ARFGEF3: variants seen among roughly 807,000 people sequenced by gnomAD.
ARFGEF3 encodes brefeldin A-inhibited guanine nucleotide-exchange protein 3.
Under a neutral mutation model 221.7 loss-of-function variants are expected in ARFGEF3, and 96 were observed. The ratio of observed to expected loss-of-function variants is 0.43; its 90% CI spans 0.37 to 0.51. The LOEUF (loss-of-function observed/expected upper bound fraction) is 0.51. ARFGEF3 is among the 20% of genes least tolerant of loss of function. The probability of loss-of-function intolerance (pLI) is 0.00; values close to 1 mark genes in which losing one functional copy is unlikely to be tolerated. For missense variants in ARFGEF3, 2,410 were observed against 2,789.9 expected, an observed-to-expected ratio of 0.86 and a Z score of 3.07; for synonymous variants, 1,145 against 1,126.8, an observed-to-expected ratio of 1.02 and a Z score of -0.32.
At chr6:138,189,883 C>A (rs1777262665) in intron 2 of ARFGEF3, among the ~76,000 whole-genome samples, 1 of 151,844 alleles carries the variant, frequency 6.6e-6, no homozygotes, top group Non-Finnish European at 1.5e-5. Flanking sequence ...GGTTCAAGAC[C>A]AGCTGGGCAA....
Position 138,308,872 on chromosome 6 carries a change from C to G in ARFGEF3, c.4096+11C>G, listed in dbSNP as rs1562387568. ...TTGTCAAAGGACTGGGTAAGCAGAA[C>G]CCTTCTCTCATGCCTTGTAACTGCT... On this transcript the variant is annotated intron_variant, in intron 24 of 33. Transcript: ENST00000251691. The G allele has an allele frequency of 6.2e-7, 1 of 1,613,908 alleles. No individual in the cohort carries two copies. The highest frequency in any genetic ancestry group is 8.5e-7 in the Non-Finnish European group (1 of 1,179,856).
At position 138,162,007 on chromosome 6, in the gene ARFGEF3, C is replaced by T. The variant is rs1776622083; in HGVS notation, c.-80C>T. On this transcript the variant is annotated 5_prime_UTR_variant, in exon 1 of 34. Transcript: ENST00000251691. This position sits in a 1 kb window ranked among gnomAD's most constrained non-coding sequence, Gnocchi z 4.7. ...CGGCGGCCGCCTAGGCGCCCAGGGC[C>T]AGGCAGCGGCGGCTTCCCCGGCCCG... 20 of 1,013,936 alleles carry T rather than the reference C, an allele frequency of 2.0e-5. No homozygotes were observed. In the South Asian group the frequency reaches 3.1e-4, roughly 15 times the overall value. 62.8% of individuals were successfully genotyped at this position (1,013,936 alleles called of 1,614,324 possible). A position where few individuals can be genotyped will look rare whatever the true frequency, so the allele number is the denominator to read the frequency against.
chr6:138,196,706 C>T (rs1383791135), intron 2 of ARFGEF3, among the ~76,000 whole-genome samples: 1 of 152,104 alleles, frequency 6.6e-6, no homozygotes, highest in Admixed American at 6.6e-5. Flanking sequence ...CTTTTTTGAT[C>T]CTTTAAACTT....
At chr6:138,227,832 T>A (rs1337027994) in intron 4 of ARFGEF3, among the ~76,000 whole-genome samples, 2 of 152,128 alleles carry the variant, frequency 1.3e-5, no homozygotes, top group Non-Finnish European at 2.9e-5. Flanking sequence ...CTGAGTACTT[T>A]AGAGAGGGGG....
At chr6:138,264,549 A>G (rs1165489282) in intron 12 of ARFGEF3, among the ~76,000 whole-genome samples, 1 of 152,178 alleles carries the variant, frequency 6.6e-6, no homozygotes, top group Non-Finnish European at 1.5e-5. Flanking sequence ...CTAAAAAGCC[A>G]TGATCACCAC....
At position 138,182,001 on chromosome 6, in the gene ARFGEF3, G is replaced by A. The variant is rs1022715815; in HGVS notation, c.137+11288G>A. On this transcript the variant is annotated intron_variant, in intron 2 of 33. Transcript: ENST00000251691. Reference sequence around the variant, plus strand: ...TATTTACATCTTTCTTTTTCACCCTGTAGGACTTTTCTTCTGGGAGAAGGG... The same window carrying A: ...TATTTACATCTTTCTTTTTCACCCTATAGGACTTTTCTTCTGGGAGAAGGG... Among the ~76,000 whole-genome samples, 15 of 152,268 alleles carry A rather than the reference G, an allele frequency of 9.9e-5. 1 individual carries two copies. Among genetic ancestry groups the A allele is most frequent in the Admixed American group, 2.6e-4 (4 of 15,294 alleles).
intron 29 of ARFGEF3, among the ~76,000 whole-genome samples, chr6:138,322,975 C>T (rs1166944085): frequency 1.3e-5 from 2 of 151,390 alleles, no homozygotes; most frequent in Non-Finnish European, 2.9e-5. Flanking sequence ...CCAAGGTGGA[C>T]AGGCATGGGG....
Position 138,336,327 on chromosome 6 carries a change from T to C in ARFGEF3, c.6375T>C (p.Asn2125=), listed in dbSNP as rs919482214. The change falls in exon 34 of 34, where the codon AAT becomes AAC. Residue 2125 remains asparagine (N), a synonymous_variant. Transcript: ENST00000251691. ...CCAACATGGTGCTAACAGTTCTCAA[T>C]CAGATTCAGATTCTCCCAGACCAGA... ...AWTNMVLTVL[N]QIQILPDQTF... 18 of 1,602,820 alleles carry C rather than the reference T, an allele frequency of 1.1e-5. No homozygotes were observed. Among genetic ancestry groups the C allele is most frequent in the Non-Finnish European group, 1.5e-5 (18 of 1,175,120 alleles).
At chr6:138,311,635 G>A in intron 25 of ARFGEF3, 125 bp downstream of exon 25, 1 of 646,484 alleles carries the variant, frequency 1.5e-6, no homozygotes, top group Non-Finnish European at 2.7e-6. Context: ...GGAGATTGGG[G>A]CGCAGATGTG....
intron 10 of ARFGEF3, among the ~76,000 whole-genome samples, chr6:138,257,958 C>G (rs1029297033): frequency 4.6e-5 from 7 of 152,172 alleles, no homozygotes; most frequent in African/African-American, 1.7e-4. Context: ...AGAGAAAACA[C>G]ATGGAGGCTG....
chr6:138,289,665 A>G (rs982618511), intron 17 of ARFGEF3, among the ~76,000 whole-genome samples, 153 bp from the exon 18 acceptor site: 4 of 152,246 alleles, frequency 2.6e-5, no homozygotes, highest in Admixed American at 1.3e-4. Context: ...GGTGGTTTGC[A>G]TGATGGTCCG....
At chr6:138,181,105 G>A (rs1777070947) in intron 2 of ARFGEF3, among the ~76,000 whole-genome samples, 1 of 152,124 alleles carries the variant, frequency 6.6e-6, no homozygotes, top group African/African-American at 2.4e-5. Flanking sequence ...CATTAATAAG[G>A]AAGACCTACA....
At chr6:138,269,238 C>T (rs1178865922) in intron 12 of ARFGEF3, among the ~76,000 whole-genome samples, 5 of 152,260 alleles carry the variant, frequency 3.3e-5, no homozygotes, top group African/African-American at 1.2e-4. Flanking sequence ...TGCCTCACCG[C>T]TTCTTCCCCT....
intron 12 of ARFGEF3, among the ~76,000 whole-genome samples, chr6:138,276,698 T>A (rs1779102766): frequency 6.6e-6 from 1 of 152,178 alleles, no homozygotes; most frequent in Non-Finnish European, 1.5e-5. Context: ...CAGAGTATCT[T>A]TCTGTTGCCC....
At chr6:138,276,666 T>C (rs1257426351) in intron 12 of ARFGEF3, among the ~76,000 whole-genome samples, 1 of 152,162 alleles carries the variant, frequency 6.6e-6, no homozygotes, top group Non-Finnish European at 1.5e-5. Flanking sequence ...CTTTTTGTTT[T>C]TCGTTTTTTT....
intron 27 of ARFGEF3, among the ~76,000 whole-genome samples, chr6:138,318,083 G>T (rs1307001786): frequency 6.6e-6 from 1 of 152,084 alleles, no homozygotes; most frequent in East Asian, 1.9e-4. Flanking sequence ...CTAAGAGGAG[G>T]TCTGTACTCA....
At chr6:138,242,862 A>G (rs899412254) in intron 6 of ARFGEF3, 90 bp from the exon 7 acceptor site, 7 of 1,166,674 alleles carry the variant, frequency 6.0e-6, no homozygotes, top group Middle Eastern at 1.9e-4. Context: ...CCCGGAAGCC[A>G]TTTTGTTTCC....
Position 138,240,785 on chromosome 6 carries a change from C to T in ARFGEF3, c.543+2154C>T, listed in dbSNP as rs546953138. On this transcript the variant is annotated intron_variant, in intron 6 of 33. Transcript: ENST00000251691. ...CAATGGAGGGAGACATAAGTTTTGC[C>T]GCATAAGAATTTACGTATTTTTTTT... Among the ~76,000 whole-genome samples the T allele has an allele frequency of 6.6e-5, 10 of 152,146 alleles. No individual in the cohort carries two copies. In the South Asian group the frequency reaches 1.5e-3, roughly 22 times the overall value.
In ARFGEF3 at chr6:138,210,859, A is replaced by G. The variant is rs1777714049; in HGVS notation, c.351+818A>G. Reference sequence around the variant, plus strand: ...CACTGAAGGATTTTTGTCTTGGATAAGAGACTACACTTCTCCTGGTTTCAG... The same window carrying G: ...CACTGAAGGATTTTTGTCTTGGATAGGAGACTACACTTCTCCTGGTTTCAG... On this transcript the variant is annotated intron_variant, in intron 4 of 33. Transcript: ENST00000251691. 3.9e-5 allele frequency among the ~76,000 whole-genome samples: 6 copies of G among 152,200 alleles called. 1 individual carries two copies. The South Asian group carries it at 1.2e-3, about 32-fold the overall frequency.
Sources: gnomAD v4.1 joint callset for allele counts (sites outside exome capture counted in the v4.1 genomes callset) on GRCh38, gnomAD v4.1.1 for gene constraint, Gnocchi (gnomAD v3.1) non-coding constraint, MANE v1.5 for transcripts, NCBI Gene and HGNC (gene_info 2026-07-23, HGNC 2026-07-21) for gene names.